The following THRB variants were observed in gnomAD, a reference collection of about 807,000 sequenced individuals.
The protein encoded by THRB is nuclear receptor subfamily 1 group A member 2.
Under a neutral mutation model 47.8 loss-of-function variants are expected in THRB, and 12 were observed. That is an observed-to-expected ratio of 0.25 (90% CI 0.16 to 0.41). The LOEUF is 0.41. Among genes scored for constraint, THRB ranks in the 10% least tolerant of loss-of-function variants. The pLI, the probability that THRB is intolerant of heterozygous loss-of-function variation, is 1.00. For missense variants in THRB, 348 were observed against 589.2 expected (o/e 0.59, Z 4.24); for synonymous variants, 218 against 212.2 (o/e 1.03, Z -0.24).
chr3:24,393,986 A>G (rs1391788883), intron 1 of THRB, among the ~76,000 whole-genome samples: 1 of 152,176 alleles, frequency 6.6e-6, no homozygotes, highest in African/African-American at 2.4e-5. Flanking sequence ...AACTTGGTCC[A>G]GGAATTTTAC....
At chr3:24,324,525 C>CT (rs924856346) in intron 2 of THRB, among the ~76,000 whole-genome samples, 63 of 152,126 alleles carry the variant, frequency 4.1e-4, no homozygotes, top group African/African-American at 1.5e-3. Context: ...CATCCAGTTA[C>CT]TTTTTTTGCT....
intron 3 of THRB, among the ~76,000 whole-genome samples, chr3:24,232,061 G>T (rs17787283): frequency 0.23 from 35,732 of 152,092 alleles, 4,765 homozygotes; most frequent in Non-Finnish European, 0.3. Context: ...TCTGGTCAGG[G>T]AAGGGTTTTC....
chr3:24,131,939 C>T (rs1022131549), intron 9 of THRB, among the ~76,000 whole-genome samples: 1 of 152,212 alleles, frequency 6.6e-6, no homozygotes, highest in African/African-American at 2.4e-5. Flanking sequence ...AACGTGCTCT[C>T]TCAGGTAGGT....
chr3:24,284,597 A>G (rs2055035071), intron 3 of THRB, among the ~76,000 whole-genome samples: 1 of 150,784 alleles, frequency 6.6e-6, no homozygotes, highest in Non-Finnish European at 1.5e-5. Flanking sequence ...TAATTAAACT[A>G]AAGAGCTTCT....
At chr3:24,482,569 C>CTCTCTCTCTCGA (rs1696640652) in intron 1 of THRB, among the ~76,000 whole-genome samples, 1 of 151,492 alleles carries the variant, frequency 6.6e-6, no homozygotes, top group Non-Finnish European at 1.5e-5. Context: ...CTCTCTCTCT[C>CTCTCTCTCTCGA]TCTCCAATGT....
chr3:24,370,326 C>T (rs776066277), intron 1 of THRB, among the ~76,000 whole-genome samples: 1 of 152,072 alleles, frequency 6.6e-6, no homozygotes, highest in Non-Finnish European at 1.5e-5. Flanking sequence ...GAAAAAAATA[C>T]GTGGATGGCT....
At chr3:24,416,157 AT>A (rs200212705) in intron 1 of THRB, among the ~76,000 whole-genome samples, 26 of 151,858 alleles carry the variant, frequency 1.7e-4, no homozygotes, top group African/African-American at 4.8e-4. Flanking sequence ...CGTACTTTTA[AT>A]TTTTTTTCCC....
chr3:24,313,457 C>T (rs1033401853), intron 2 of THRB, among the ~76,000 whole-genome samples: 3 of 152,156 alleles, frequency 2.0e-5, no homozygotes, highest in East Asian at 1.9e-4. Context: ...ACCCACGGGA[C>T]TAAATGTTCA....
At position 24,481,904 on chromosome 3, in the gene THRB, G is replaced by C. The variant is rs116295278; in HGVS notation, c.-261+12748C>G. ...AGGCTGGAATCCTGAGCAGGTAAGT[G>C]AGTGCCTATTATTATTACCTTTTGC... On this transcript the variant is annotated intron_variant, in intron 1 of 10. Coordinates refer to ENST00000646209, the MANE Select transcript of THRB (RefSeq NM_001354712.2). Among the ~76,000 whole-genome samples the C allele has an allele frequency of 6.6e-3, 998 of 151,094 alleles. 15 individuals are homozygous for C. Among genetic ancestry groups the C allele is most frequent in the African/African-American group, 0.023 (928 of 41,144 alleles).
intron 3 of THRB, among the ~76,000 whole-genome samples, chr3:24,250,908 A>G (rs901067586): frequency 6.6e-6 from 1 of 152,056 alleles, no homozygotes; most frequent in Non-Finnish European, 1.5e-5. Context: ...CTGCAAAAAT[A>G]GAATAATTAT....
At chr3:24,336,278 C>T (rs2062243102) in intron 2 of THRB, among the ~76,000 whole-genome samples, 1 of 152,180 alleles carries the variant, frequency 6.6e-6, no homozygotes, top group Non-Finnish European at 1.5e-5. Flanking sequence ...AATCAGATAG[C>T]ACCACCCCAA....
At chr3:24,222,504 T>G (rs2047255994) in intron 4 of THRB, among the ~76,000 whole-genome samples, 1 of 151,826 alleles carries the variant, frequency 6.6e-6, no homozygotes, top group Admixed American at 6.6e-5. Flanking sequence ...CTCATCAGGG[T>G]TTTAGCCTCT....
intron 1 of THRB, among the ~76,000 whole-genome samples, chr3:24,476,082 C>T (rs1338994397): frequency 6.6e-6 from 1 of 152,220 alleles, no homozygotes; most frequent in Non-Finnish European, 1.5e-5. Context: ...TCAGAGACAA[C>T]TCATTGTCTG....
At position 24,126,147 on chromosome 3, in the gene THRB, CT is replaced by C. The variant is rs1242044842; in HGVS notation, c.1144+1351del. Among the ~76,000 whole-genome samples, 5 of 152,112 alleles carry C rather than the reference CT, an allele frequency of 3.3e-5. No individual in the cohort carries two copies. In the East Asian group the frequency reaches 9.6e-4, roughly 29 times the overall value. Reference sequence around the variant, plus strand: ...GTGGCTCATGCCTATAATCCCAGCACTTTAGGAGGCTGAGGTGAGAAGATCA... The same window carrying C: ...GTGGCTCATGCCTATAATCCCAGCACTTAGGAGGCTGAGGTGAGAAGATCA... On this transcript the variant is annotated intron_variant, in intron 10 of 10. Transcript: ENST00000646209.
At chr3:24,149,622 C>T (rs1398044582) in intron 6 of THRB, among the ~76,000 whole-genome samples, 1 of 152,202 alleles carries the variant, frequency 6.6e-6, no homozygotes, top group Non-Finnish European at 1.5e-5. Flanking sequence ...TTGTCTTGGG[C>T]ACTTCATGGA....
chr3:24,396,681 A>G (rs2150034261), intron 1 of THRB, among the ~76,000 whole-genome samples: 1 of 152,234 alleles, frequency 6.6e-6, no homozygotes, highest in South Asian at 2.1e-4. Context: ...TTAGGCTTCC[A>G]TGGCTCTTTC....
intron 1 of THRB, among the ~76,000 whole-genome samples, chr3:24,383,029 A>C (rs528597528): frequency 6.6e-6 from 1 of 152,208 alleles, no homozygotes; most frequent in East Asian, 1.9e-4. Flanking sequence ...CTTCCTTCAG[A>C]TTTCAGCACA....
intron 4 of THRB, among the ~76,000 whole-genome samples, chr3:24,199,483 G>A (rs9820526): frequency 0.22 from 34,029 of 152,048 alleles, 5,564 homozygotes; most frequent in African/African-American, 0.46. Flanking sequence ...TTTCATTGGT[G>A]GGGATTATCA....
At chr3:24,435,827 C>T (rs185329783) in intron 1 of THRB, among the ~76,000 whole-genome samples, 1 of 152,196 alleles carries the variant, frequency 6.6e-6, no homozygotes, top group Non-Finnish European at 1.5e-5. Flanking sequence ...TTGGCCTCCC[C>T]CTCCGCGGCC....
Sources: allele counts gnomAD v4.1 joint callset (sites outside exome capture counted in the v4.1 genomes callset), GRCh38; gene constraint gnomAD v4.1.1; transcripts MANE v1.5; gene names NCBI Gene and HGNC (gene_info 2026-07-23, HGNC 2026-07-21).